Variants in DENND5B observed in about 807,000 individuals in gnomAD.
DENND5B encodes the protein DENN domain containing 5B, also known as DENN domain-containing protein 5B.
DENND5B carries 34 observed loss-of-function variants against 140.6 expected under a neutral mutation model. The ratio of observed to expected loss-of-function variants is 0.24; its 90% CI spans 0.18 to 0.32. The LOEUF is 0.32. Ranked by LOEUF, DENND5B falls within the 10% of genes least tolerant of loss-of-function variation. DENND5B has a pLI of 1.00. For synonymous variants in DENND5B, 551 were observed against 562.1 expected, an observed-to-expected ratio of 0.98 and a Z score of 0.28; for missense variants, 1,142 against 1,560.2, an observed-to-expected ratio of 0.73 and a Z score of 4.52.
At chr12:31,536,476 G>A (rs1565673930) in intron 1 of DENND5B, among the ~76,000 whole-genome samples, 1 of 151,944 alleles carries the variant, frequency 6.6e-6, no homozygotes, top group Non-Finnish European at 1.5e-5. Flanking sequence ...GGATCAAGCA[G>A]AAGAAAGATT....
At chr12:31,485,716 A>G (rs1946275075) in intron 2 of DENND5B, among the ~76,000 whole-genome samples, 1 of 133,354 alleles carries the variant, frequency 7.5e-6, no homozygotes, top group African/African-American at 2.7e-5. Flanking sequence ...AGGCTAAAAA[A>G]GGCAATACAG....
intron 1 of DENND5B, among the ~76,000 whole-genome samples, chr12:31,511,382 T>C (rs1004640728): frequency 6.6e-6 from 1 of 152,190 alleles, no homozygotes; most frequent in Non-Finnish European, 1.5e-5. Context: ...AAAAATTCCA[T>C]AGCTTAATTT....
At position 31,413,576 on chromosome 12, in the gene DENND5B, T is replaced by G. The variant is rs769805330; in HGVS notation, c.2553-12A>C. The G allele has an allele frequency of 3.7e-5, 60 of 1,606,532 alleles. No homozygotes were observed. In the African/African-American group the frequency reaches 7.5e-4, roughly 20 times the overall value. ...TGTTTTGAATATGCCTAAAGAATAG[T>G]GGCAACAGCAAAGATGTAGATTTTA... On this transcript the variant is annotated splice_polypyrimidine_tract_variant and intron_variant, in intron 12 of 20. Transcript: ENST00000389082.
At chr12:31,533,282 C>A (rs1948353604) in intron 1 of DENND5B, among the ~76,000 whole-genome samples, 1 of 151,910 alleles carries the variant, frequency 6.6e-6, no homozygotes. Context: ...GCCAATACAA[C>A]AACAAAAAAT....
rs557331714 is a variant in DENND5B, at chr12:31,584,352, C to G, written c.127+6354G>C. Reference sequence around the variant, plus strand: ...TAACAAAATGGGCCATAAGCCTGAGCCTTGGGGTTATCACAGAGAATTTAG... The same window carrying G: ...TAACAAAATGGGCCATAAGCCTGAGGCTTGGGGTTATCACAGAGAATTTAG... On this transcript the variant is annotated intron_variant, in intron 1 of 20. Coordinates refer to ENST00000389082, the MANE Select transcript of DENND5B (RefSeq NM_144973.4). Among the ~76,000 whole-genome samples the G allele has an allele frequency of 7.2e-5, 11 of 152,290 alleles. No individual in the cohort carries two copies. In the South Asian group the frequency reaches 2.3e-3, roughly 32 times the overall value.
At chr12:31,490,907 T>C (rs1327917510) in intron 2 of DENND5B, among the ~76,000 whole-genome samples, 1 of 152,228 alleles carries the variant, frequency 6.6e-6, no homozygotes, top group African/African-American at 2.4e-5. Context: ...AGCTTTATAA[T>C]AGTTATTACT....
At chr12:31,439,415 T>C (rs1255053994) in intron 7 of DENND5B, among the ~76,000 whole-genome samples, 1 of 152,214 alleles carries the variant, frequency 6.6e-6, no homozygotes, top group Non-Finnish European at 1.5e-5. Context: ...AAGCACTCTC[T>C]ACTTTTCTTT....
intron 1 of DENND5B, chr12:31,500,653 C>G (rs1367035246): frequency 7.5e-6 from 1 of 133,952 alleles, no homozygotes; most frequent in Non-Finnish European, 1.5e-5. Context: ...GCACTTCAGC[C>G]TGGATGACAA....
At chr12:31,447,805 G>A in intron 5 of DENND5B, 36 bp from the exon 6 acceptor site, 2 of 1,432,678 alleles carry the variant, frequency 1.4e-6, no homozygotes, top group Non-Finnish European at 9.6e-7. Context: ...TTAGTGCAAA[G>A]AGACCATCTC....
At chr12:31,505,676 G>A (rs1476833115) in intron 1 of DENND5B, among the ~76,000 whole-genome samples, 2 of 152,054 alleles carry the variant, frequency 1.3e-5, no homozygotes, top group Non-Finnish European at 2.9e-5. Flanking sequence ...CCCAAATCTA[G>A]TCAGCAAACT....
intron 1 of DENND5B, among the ~76,000 whole-genome samples, chr12:31,556,438 C>A (rs896534514): frequency 6.6e-6 from 1 of 152,086 alleles, no homozygotes; most frequent in Admixed American, 6.6e-5. Flanking sequence ...CCGACCTCAG[C>A]TGATTCACTT....
intron 1 of DENND5B, among the ~76,000 whole-genome samples, chr12:31,540,767 CAA>C (rs774818670): frequency 1.4e-5 from 2 of 145,320 alleles, no homozygotes; most frequent in Non-Finnish European, 3.0e-5. Flanking sequence ...AGGAAAAAAA[CAA>C]AACGAGGAAT....
chr12:31,522,753 C>T (rs1435137293), intron 1 of DENND5B, among the ~76,000 whole-genome samples: 2 of 152,194 alleles, frequency 1.3e-5, no homozygotes, highest in Non-Finnish European at 2.9e-5. Context: ...TAACCTTTAA[C>T]TCTCCAATAA....
At chr12:31,410,048 TA>T (rs1942370179) in intron 13 of DENND5B, among the ~76,000 whole-genome samples, 1 of 152,192 alleles carries the variant, frequency 6.6e-6, no homozygotes, top group South Asian at 2.1e-4. Context: ...AAACAGTTAA[TA>T]AAACACTTTT....
intron 3 of DENND5B, among the ~76,000 whole-genome samples, chr12:31,474,346 AATC>A (rs1945694403): frequency 4.6e-5 from 7 of 152,206 alleles, no homozygotes; most frequent in Admixed American, 3.9e-4. Flanking sequence ...TTGAAAAAAG[AATC>A]ATACTCTGAT....
intron 1 of DENND5B, among the ~76,000 whole-genome samples, chr12:31,587,833 C>G (rs1950450524): frequency 6.6e-6 from 1 of 152,132 alleles, no homozygotes; most frequent in South Asian, 2.1e-4. Flanking sequence ...AGGCGTGAGC[C>G]ACAGCATCCA....
At chr12:31,429,447 CA>C (rs1439738245) in intron 8 of DENND5B, among the ~76,000 whole-genome samples, 2 of 152,190 alleles carry the variant, frequency 1.3e-5, no homozygotes, top group Non-Finnish European at 2.9e-5. Flanking sequence ...CTCGTTCTGT[CA>C]CCCAGGCTGG....
chr12:31,498,423 T>C (rs748680661), intron 1 of DENND5B, among the ~76,000 whole-genome samples: 5 of 152,078 alleles, frequency 3.3e-5, no homozygotes, highest in Non-Finnish European at 7.4e-5. Context: ...TGCACCTTCT[T>C]GACACACAAA....
chr12:31,485,338 C>T (rs978507903), intron 2 of DENND5B, among the ~76,000 whole-genome samples: 7 of 152,310 alleles, frequency 4.6e-5, no homozygotes, highest in South Asian at 2.1e-4. Context: ...GCAGGGAAAA[C>T]GCTTCCACAA....
Sources: allele counts gnomAD v4.1 joint callset (sites outside exome capture counted in the v4.1 genomes callset), GRCh38; gene constraint gnomAD v4.1.1; transcripts MANE v1.5; gene names NCBI Gene and HGNC (gene_info 2026-07-23, HGNC 2026-07-21).